JAK1: variants seen among roughly 807,000 people sequenced by gnomAD.
JAK1 encodes Janus kinase 1, also known as tyrosine-protein kinase JAK1.
In JAK1, 16 loss-of-function variants were observed where a neutral mutation model predicts 136.6. That is an observed-to-expected ratio of 0.12 (90% CI 0.08 to 0.18). The LOEUF (loss-of-function observed/expected upper bound fraction) is 0.18, where lower values mean the gene tolerates loss of function less well. Ranked by LOEUF, JAK1 falls within the 10% of genes least tolerant of loss-of-function variation. The probability of loss-of-function intolerance (pLI) is 1.00; values close to 1 mark genes in which losing one functional copy is unlikely to be tolerated. For synonymous variants in JAK1, 492 were observed against 519.5 expected (o/e 0.95, Z 0.72); for missense variants, 859 against 1,450.1 (o/e 0.59, Z 6.62).
At chr1:65,039,817 C>G (rs1390805024) in intron 2 of JAK1, among the ~76,000 whole-genome samples, 4 of 152,188 alleles carry the variant, frequency 2.6e-5, no homozygotes, top group African/African-American at 4.8e-5. Flanking sequence ...GGATTCCCCC[C>G]ATTCCCCTAG....
At chr1:64,985,055 G>A (rs923685577) in intron 2 of JAK1, 1 of 877,398 alleles carries the variant, frequency 1.1e-6, no homozygotes, top group Non-Finnish European at 2.0e-6. Context: ...CAGACATGAG[G>A]ATGGAACAAA....
At chr1:65,015,185 G>A (rs1206915521) in intron 2 of JAK1, among the ~76,000 whole-genome samples, 1 of 152,146 alleles carries the variant, frequency 6.6e-6, no homozygotes, top group African/African-American at 2.4e-5. Context: ...AGAATGAAGA[G>A]TAAAGAGAGT....
intron 2 of JAK1, among the ~76,000 whole-genome samples, chr1:65,026,111 C>T (rs983067026): frequency 2.6e-5 from 4 of 152,262 alleles, no homozygotes; most frequent in African/African-American, 9.6e-5. Context: ...AATCCTGGGT[C>T]ATAACTTTGT....
At chr1:64,976,561 G>A (rs1646498995) in intron 2 of JAK1, among the ~76,000 whole-genome samples, 1 of 152,178 alleles carries the variant, frequency 6.6e-6, no homozygotes, top group Admixed American at 6.5e-5. Flanking sequence ...AAGGAGCTCA[G>A]CTCTGGGATC....
At chr1:64,878,898 A>G in intron 4 of JAK1, 127 bp downstream of exon 4, 1 of 873,054 alleles carries the variant, frequency 1.1e-6, no homozygotes, top group Admixed American at 3.4e-5. Flanking sequence ...ACATCAAGCA[A>G]ATACAAAAGT....
At chr1:64,990,586 C>T (rs961838342) in intron 2 of JAK1, 4 of 151,962 alleles carry the variant, frequency 2.6e-5, no homozygotes, top group African/African-American at 4.8e-5. Context: ...CAAAAAAAAT[C>T]ACAAGAAGGT....
intron 1 of JAK1, among the ~76,000 whole-genome samples, chr1:65,052,686 T>C (rs990319242): frequency 7.9e-5 from 12 of 151,626 alleles, no homozygotes; most frequent in Non-Finnish European, 1.5e-4. Flanking sequence ...TGGTGGTGGG[T>C]GCCTGTAGTT....
At chr1:65,063,257 A>C (rs1261752212) in intron 1 of JAK1, among the ~76,000 whole-genome samples, 1 of 152,152 alleles carries the variant, frequency 6.6e-6, no homozygotes, top group Non-Finnish European at 1.5e-5. Flanking sequence ...TTTGCCACAC[A>C]TTGTTTTCCG....
At chr1:64,903,327 C>T (rs1261639452) in intron 1 of JAK1, among the ~76,000 whole-genome samples, 9 of 152,156 alleles carry the variant, frequency 5.9e-5, no homozygotes, top group African/African-American at 2.2e-4. Flanking sequence ...GCATCTGGCC[C>T]AAAGTCTGTA....
At chr1:65,000,958 G>C (rs1646750993) in intron 2 of JAK1, among the ~76,000 whole-genome samples, 1 of 151,166 alleles carries the variant, frequency 6.6e-6, no homozygotes, top group East Asian at 2.0e-4. Flanking sequence ...GGAAGTTTTT[G>C]TTTCTAAAGG....
At chr1:65,028,724 C>T (rs1469462695) in intron 2 of JAK1, among the ~76,000 whole-genome samples, 1 of 152,100 alleles carries the variant, frequency 6.6e-6, no homozygotes, top group African/African-American at 2.4e-5. Flanking sequence ...TATCAGATAC[C>T]ATGTTACATG....
intron 1 of JAK1, among the ~76,000 whole-genome samples, chr1:64,925,854 C>T (rs1456964534): frequency 6.6e-6 from 1 of 152,178 alleles, no homozygotes; most frequent in African/African-American, 2.4e-5. Context: ...CCAGATCTGT[C>T]TAGCTCCAAG....
intron 22 of JAK1, 116 bp from the exon 23 acceptor site, chr1:64,836,331 G>A (rs1356761235): frequency 7.1e-6 from 5 of 703,858 alleles, no homozygotes; most frequent in African/African-American, 5.4e-5. Flanking sequence ...TACAGCATCT[G>A]ACTGTGTATT....
At chr1:64,978,787 G>A (rs938152727) in intron 2 of JAK1, among the ~76,000 whole-genome samples, 4 of 151,820 alleles carry the variant, frequency 2.6e-5, no homozygotes, top group Non-Finnish European at 4.4e-5. Flanking sequence ...AATCAAGGCC[G>A]GGGTGCTAGA....
chr1:65,067,373 C>T lies in JAK1; in HGVS notation c.-181+231G>A, dbSNP rs908701006. Among the ~76,000 whole-genome samples, 257 of 149,446 alleles carry T rather than the reference C, an allele frequency of 1.7e-3. 1 individual carries two copies. Among genetic ancestry groups the T allele is most frequent in the African/African-American group, 5.8e-3 (240 of 41,246 alleles). On this transcript the variant is annotated intron_variant, in intron 1 of 25. Transcript: ENST00000671954. Reference sequence around the variant, plus strand: ...CGCGGCCAGCCTCGCCGGAGCCGCTCTGTGCGCCCCACGGCTTCCCGCGTC... The same window carrying T: ...CGCGGCCAGCCTCGCCGGAGCCGCTTTGTGCGCCCCACGGCTTCCCGCGTC...
chr1:65,009,308 T>C (rs762349290), intron 2 of JAK1, among the ~76,000 whole-genome samples: 1 of 152,206 alleles, frequency 6.6e-6, no homozygotes, highest in Non-Finnish European at 1.5e-5. Flanking sequence ...AGCTTTTAAA[T>C]AGGCAGAAAC....
chr1:64,867,479 A>G (rs985427544), intron 6 of JAK1, among the ~76,000 whole-genome samples: 1 of 152,272 alleles, frequency 6.6e-6, no homozygotes, highest in African/African-American at 2.4e-5. Flanking sequence ...TGGGTCACCA[A>G]GGCAGGGCAT....
intron 1 of JAK1, among the ~76,000 whole-genome samples, chr1:65,055,971 G>C (rs1280339485): frequency 2.0e-5 from 3 of 152,196 alleles, no homozygotes; most frequent in Admixed American, 1.3e-4. Context: ...AAAACAGGAA[G>C]ATCAGGGAAG....
intron 2 of JAK1, among the ~76,000 whole-genome samples, chr1:64,980,476 C>G (rs1569809927): frequency 6.6e-6 from 1 of 152,120 alleles, no homozygotes; most frequent in African/African-American, 2.4e-5. Context: ...GATTGCCCCC[C>G]AAAATTTCCA....
Sources: gnomAD v4.1 joint callset for allele counts (sites outside exome capture counted in the v4.1 genomes callset) on GRCh38, gnomAD v4.1.1 for gene constraint, MANE v1.5 for transcripts, NCBI Gene and HGNC (gene_info 2026-07-23, HGNC 2026-07-21) for gene names.